SEPTIN14: variants seen among roughly 807,000 people sequenced by gnomAD.
SEPTIN14 encodes the protein septin 14.
In SEPTIN14, 40 loss-of-function variants were observed where a neutral mutation model predicts 53.6. That is an observed-to-expected ratio of 0.75 (90% CI 0.58 to 0.97). SEPTIN14 has a LOEUF of 0.97. Ranked by LOEUF, SEPTIN14 falls within the 50% of genes least tolerant of loss-of-function variation. The pLI, the probability that SEPTIN14 is intolerant of heterozygous loss-of-function variation, is 0.00. For missense variants in SEPTIN14, 471 were observed against 508.2 expected (o/e 0.93, Z 0.70); for synonymous variants, 138 against 166.8 (o/e 0.83, Z 1.33).
At position 55,854,908 on chromosome 7, in the gene SEPTIN14, T is replaced by C. The variant is rs141310622; in HGVS notation, c.54+7035A>G. Reference sequence around the variant, plus strand: ...AAAGTCAATATACAAAAATCAGTTATATTCATTTCTAGCTTCTGCTCAGAG... The same window carrying C: ...AAAGTCAATATACAAAAATCAGTTACATTCATTTCTAGCTTCTGCTCAGAG... On this transcript the variant is annotated intron_variant, in intron 2 of 9. Transcript: ENST00000388975. 2.8e-3 allele frequency among the ~76,000 whole-genome samples: 424 copies of C among 152,264 alleles called. 5 individuals are homozygous for C. Among genetic ancestry groups the C allele is most frequent in the Middle Eastern group, 0.01 (3 of 294 alleles).
chr7:55,852,151 AAAG>A (rs1308960008), intron 2 of SEPTIN14, among the ~76,000 whole-genome samples: 10 of 151,724 alleles, frequency 6.6e-5, no homozygotes, highest in Non-Finnish European at 1.5e-4. Context: ...AAAAAAAAAA[AAAG>A]AAGAAGAAAA....
At chr7:55,822,115 C>T (rs1329065530) in intron 6 of SEPTIN14, among the ~76,000 whole-genome samples, 5 of 152,224 alleles carry the variant, frequency 3.3e-5, no homozygotes, top group South Asian at 2.1e-4. Context: ...GGGTCCCTCC[C>T]GAAACATGTG....
intron 6 of SEPTIN14, among the ~76,000 whole-genome samples, chr7:55,832,571 C>T (rs1161539111): frequency 1.3e-5 from 2 of 151,950 alleles, no homozygotes; most frequent in African/African-American, 4.8e-5. Context: ...ACTATGCAGC[C>T]ATAAAAATGA....
chr7:55,805,056 T>G (rs1199867777), intron 9 of SEPTIN14, among the ~76,000 whole-genome samples: 1 of 152,148 alleles, frequency 6.6e-6, no homozygotes, highest in African/African-American at 2.4e-5. Context: ...GTTATTTAAA[T>G]GGGAAAATTA....
At chr7:55,861,590 A>T (rs1789750646) in intron 2 of SEPTIN14, among the ~76,000 whole-genome samples, 1 of 152,152 alleles carries the variant, frequency 6.6e-6, no homozygotes, top group African/African-American at 2.4e-5. Flanking sequence ...TAACTTCATT[A>T]AAAAATTATT....
chr7:55,846,166 A>C (rs1424322195), intron 3 of SEPTIN14, among the ~76,000 whole-genome samples: 1 of 146,174 alleles, frequency 6.8e-6, no homozygotes, highest in Non-Finnish European at 1.5e-5. Flanking sequence ...GCTACATCAG[A>C]CTTTTAAGAG....
In SEPTIN14 at chr7:55,795,867, G is replaced by T; in HGVS notation, c.*46C>A. 7.6e-7 allele frequency: 1 copy of T among 1,310,822 alleles called. No individual in the cohort carries two copies. The highest frequency in any genetic ancestry group is 1.1e-6 in the Non-Finnish European group (1 of 925,666). 81.2% of individuals were successfully genotyped at this position (1,310,822 alleles called of 1,614,324 possible). ...TGCTACAAAGACAATCTCACAGGAA[G>T]TTGCGATGTAGAATGATAGGGCTCT... On this transcript the variant is annotated 3_prime_UTR_variant, in exon 10 of 10. Transcript: ENST00000388975.
At chr7:55,852,520 C>A (rs1789537083) in intron 2 of SEPTIN14, among the ~76,000 whole-genome samples, 1 of 152,054 alleles carries the variant, frequency 6.6e-6, no homozygotes, top group African/African-American at 2.4e-5. Flanking sequence ...TATCTCTTAT[C>A]ATATATAAAA....
At chr7:55,831,474 T>C (rs1789108045) in intron 6 of SEPTIN14, among the ~76,000 whole-genome samples, 1 of 152,068 alleles carries the variant, frequency 6.6e-6, no homozygotes, top group Non-Finnish European at 1.5e-5. Flanking sequence ...AAACTTTAAC[T>C]CAAGACGTAT....
Position 55,811,316 on chromosome 7 carries a change from C to T in SEPTIN14, c.818-4058G>A, listed in dbSNP as rs1015143039. 2.2e-5 allele frequency: 11 copies of T among 510,454 alleles called. No homozygotes were observed. In the East Asian group the frequency reaches 3.7e-4, roughly 17 times the overall value. The allele number at this position is 510,454 out of a possible 1,614,324, so 31.6% of individuals were successfully genotyped here. A position where few individuals can be genotyped will look rare whatever the true frequency, so the allele number is the denominator to read the frequency against. ...ACTCAATTGGCTTGATTCGTATTTCCACTTTGCAGTCGAAGTCTTTAAGAA... is the reference window on the plus strand; with the variant it reads ...ACTCAATTGGCTTGATTCGTATTTCTACTTTGCAGTCGAAGTCTTTAAGAA... On this transcript the variant is annotated intron_variant, in intron 7 of 9. Transcript: ENST00000388975.
chr7:55,847,137 G>A (rs770266668), intron 2 of SEPTIN14, among the ~76,000 whole-genome samples: 2 of 152,116 alleles, frequency 1.3e-5, no homozygotes, highest in Non-Finnish European at 2.9e-5. Context: ...CAACCCGGGA[G>A]GGGGAGGTTG....
At chr7:55,848,328 A>AT (rs1789452654) in intron 2 of SEPTIN14, among the ~76,000 whole-genome samples, 1 of 151,948 alleles carries the variant, frequency 6.6e-6, no homozygotes, top group Admixed American at 6.6e-5. Flanking sequence ...TGCCCAGCCA[A>AT]TTTTTGTATT....
intron 6 of SEPTIN14, among the ~76,000 whole-genome samples, chr7:55,833,296 CAG>C (rs1158752207): frequency 6.6e-6 from 1 of 151,244 alleles, no homozygotes; most frequent in Non-Finnish European, 1.5e-5. Context: ...GCCTGGGCAA[CAG>C]AGAGAGACTC....
At chr7:55,810,119 A>G (rs1263179959) in intron 7 of SEPTIN14, among the ~76,000 whole-genome samples, 1 of 152,142 alleles carries the variant, frequency 6.6e-6, no homozygotes, top group East Asian at 1.9e-4. Flanking sequence ...GGTGTGAGCC[A>G]CTGCGCCCGG....
At chr7:55,810,568 G>C (rs1410891103) in intron 7 of SEPTIN14, among the ~76,000 whole-genome samples, 1 of 146,940 alleles carries the variant, frequency 6.8e-6, no homozygotes, top group African/African-American at 2.5e-5. Flanking sequence ...TCTGCCTCCC[G>C]GGTTTAAGCA....
At chr7:55,817,845 G>A (rs1346012520) in intron 7 of SEPTIN14, among the ~76,000 whole-genome samples, 7 of 152,198 alleles carry the variant, frequency 4.6e-5, no homozygotes, top group Middle Eastern at 3.4e-3. Flanking sequence ...TAACACATAT[G>A]TTAATTATAT....
intron 2 of SEPTIN14, among the ~76,000 whole-genome samples, chr7:55,854,133 T>A (rs544140304): frequency 3.2e-4 from 49 of 151,666 alleles, no homozygotes; most frequent in Non-Finnish European, 5.3e-4. Flanking sequence ...AAAAAAAAAA[T>A]TTAAAAATCA....
At chr7:55,824,937 T>A (rs79819208) in intron 6 of SEPTIN14, among the ~76,000 whole-genome samples, 2,926 of 152,270 alleles carry the variant, frequency 0.019, 25 homozygotes, top group Non-Finnish European at 0.03. Context: ...GTAAGACTGG[T>A]AGTTTCTTTC....
intron 6 of SEPTIN14, among the ~76,000 whole-genome samples, chr7:55,826,799 G>GA (rs201714281): frequency 0.39 from 51,064 of 130,464 alleles, 9,211 homozygotes; most frequent in South Asian, 0.46. Flanking sequence ...CACTGTCCCA[G>GA]AAAAAAAAAA....
Sources: gnomAD v4.1 joint callset for allele counts (sites outside exome capture counted in the v4.1 genomes callset) on GRCh38, gnomAD v4.1.1 for gene constraint, MANE v1.5 for transcripts, NCBI Gene and HGNC (gene_info 2026-07-23, HGNC 2026-07-21) for gene names.